Variants in DRP2 observed in about 807,000 individuals in gnomAD.
DRP2 encodes the protein dystrophin related protein 2, also known as dystrophin-related protein 2.
Under a neutral mutation model 78.2 loss-of-function variants are expected in DRP2, and 29 were observed. The ratio of observed to expected loss-of-function variants is 0.37; its 90% CI spans 0.28 to 0.51. DRP2 has a LOEUF of 0.51. Among genes scored for constraint, DRP2 ranks in the 20% least tolerant of loss-of-function variants. DRP2 has a pLI of 0.94. For missense variants in DRP2, 686 were observed against 770.6 expected (o/e 0.89, Z 1.30); for synonymous variants, 290 against 281.9 (o/e 1.03, Z -0.29).
At chrX:101,248,747 T>C (rs1923026276) in intron 14 of DRP2, 148 bp downstream of exon 14, 1 of 514,919 alleles carries the variant, frequency 1.9e-6, no homozygotes. Context: ...TGGTTCACAC[T>C]GTTGCAAAGA....
At position 101,263,551 on chromosome X, in the gene DRP2, G is replaced by A. The variant is rs910547872; in HGVS notation, c.*2930G>A. Reference sequence around the variant, plus strand: ...GAGGATACCTCTGCTTCCAGTGACAGCAGAGTGGATTCACATTGATTGGGC... The same window carrying A: ...GAGGATACCTCTGCTTCCAGTGACAACAGAGTGGATTCACATTGATTGGGC... On this transcript the variant is annotated 3_prime_UTR_variant, in exon 24 of 24. Transcript: ENST00000395209. 8.9e-6 allele frequency: 1 copy of A among 112,340 alleles called. No homozygotes were observed. The highest frequency in any genetic ancestry group is 1.9e-5 in the Non-Finnish European group (1 of 53,270). 9.3% of individuals were successfully genotyped at this position (112,340 alleles called of 1,213,427 possible). A position where few individuals can be genotyped will look rare whatever the true frequency, so the allele number is the denominator to read the frequency against.
chrX:101,261,955 T>G lies in DRP2; in HGVS notation c.*1334T>G, dbSNP rs1011931199. On this transcript the variant is annotated 3_prime_UTR_variant, in exon 24 of 24. Coordinates refer to ENST00000395209, the MANE Select transcript of DRP2 (RefSeq NM_001939.3). ...TTCTCCCAAGAGGAGCTTTATAACC[T>G]AGAGCCCTGCAGTTGACTTCATTTG... 4 of 112,268 alleles carry G rather than the reference T, an allele frequency of 3.6e-5. No homozygotes were observed. The highest frequency in any genetic ancestry group is 1.3e-4 in the African/African-American group (4 of 30,903). The allele number at this position is 112,268 out of a possible 1,213,427, so 9.3% of individuals were successfully genotyped here. A position where few individuals can be genotyped will look rare whatever the true frequency, so the allele number is the denominator to read the frequency against.
At chrX:101,236,419 TCTC>T (rs891723162) in intron 4 of DRP2, among the ~76,000 whole-genome samples, 2 of 111,873 alleles carry the variant, frequency 1.8e-5, no homozygotes, top group African/African-American at 6.5e-5. Context: ...ATTGCTCCCT[TCTC>T]CTCTTCCTCT....
intron 2 of DRP2, among the ~76,000 whole-genome samples, chrX:101,229,952 C>T (rs762962764): frequency 8.0e-5 from 9 of 112,179 alleles, no homozygotes; most frequent in Middle Eastern, 4.6e-3. Flanking sequence ...GCCCCTATTC[C>T]CTACACAGCA....
At chrX:101,242,580 T>C in intron 8 of DRP2, 109 bp downstream of exon 8, 1 of 952,639 alleles carries the variant, frequency 1.0e-6, no homozygotes. Context: ...AAAAGAGGAG[T>C]GGAGAATGTG....
chrX:101,262,598 T>A lies in DRP2; in HGVS notation c.*1977T>A, dbSNP rs1396458739. On this transcript the variant is annotated 3_prime_UTR_variant, in exon 24 of 24. Coordinates refer to ENST00000395209, the MANE Select transcript of DRP2 (RefSeq NM_001939.3). ...ATCTGCTGCAGGGGAGGCAGGGCAG[T>A]GGCTTGGGTCCAGAAGCTTAGGGTT... 9.0e-6 allele frequency: 1 copy of A among 111,203 alleles called. No homozygotes were observed. The highest frequency in any genetic ancestry group is 1.9e-5 in the Non-Finnish European group (1 of 53,164). The allele number at this position is 111,203 out of a possible 1,213,427, so 9.2% of individuals were successfully genotyped here. A position where few individuals can be genotyped will look rare whatever the true frequency, so the allele number is the denominator to read the frequency against.
At position 101,245,088 on chromosome X, in the gene DRP2, A is replaced by T; in HGVS notation, c.1115+11A>T. The T allele has an allele frequency of 6.6e-6, 8 of 1,205,236 alleles. No homozygotes were observed. The highest frequency in any genetic ancestry group is 7.9e-6 in the Non-Finnish European group (7 of 891,475). On this transcript the variant is annotated intron_variant, in intron 10 of 23. Coordinates refer to ENST00000395209, the MANE Select transcript of DRP2 (RefSeq NM_001939.3). ...TCCCTACTACATCAAGTGAGTGACC[A>T]TCTGAATCAGAAGCGGGTCAGTCAC...
intron 5 of DRP2, 30 bp downstream of exon 5, chrX:101,237,805 G>A: frequency 1.8e-6 from 2 of 1,085,233 alleles, no homozygotes; most frequent in Non-Finnish European, 2.4e-6. Flanking sequence ...GCCGTGGTGT[G>A]TAGCCTCTCA....
At chrX:101,221,666 G>A (rs1921898889) in intron 1 of DRP2, among the ~76,000 whole-genome samples, 1 of 112,260 alleles carries the variant, frequency 8.9e-6, no homozygotes, top group Non-Finnish European at 1.9e-5. Context: ...CCACCATAAA[G>A]GAGGGGAGCA....
chrX:101,239,247 GGA>G, intron 6 of DRP2, 146 bp downstream of exon 6: 2 of 797,560 alleles, frequency 2.5e-6, no homozygotes, highest in Non-Finnish European at 3.4e-6. Flanking sequence ...AAAGTTGGGG[GGA>G]AGCAAGATTC....
chrX:101,257,867 G>A (rs1403496823), intron 21 of DRP2, among the ~76,000 whole-genome samples: 2 of 111,288 alleles, frequency 1.8e-5, no homozygotes, highest in Non-Finnish European at 3.8e-5. Flanking sequence ...GGCCAAAGAG[G>A]AGGATTGTGG....
chrX:101,251,222 A>G, intron 16 of DRP2, 139 bp downstream of exon 16: 1 of 539,765 alleles, frequency 1.9e-6, no homozygotes, highest in Non-Finnish European at 2.7e-6. Context: ...TACTGTTATA[A>G]TCCTTTATAT....
chrX:101,241,473 T>A (rs1323808303), intron 6 of DRP2, among the ~76,000 whole-genome samples, 195 bp from the exon 7 acceptor site: 9 of 111,028 alleles, frequency 8.1e-5, no homozygotes, highest in Non-Finnish European at 1.3e-4. Flanking sequence ...CAGTTTTTTT[T>A]TAAAAAAAAC....
chrX:101,263,574 G>A lies in DRP2; in HGVS notation c.*2953G>A, dbSNP rs989525861. On this transcript the variant is annotated 3_prime_UTR_variant, in exon 24 of 24. Transcript: ENST00000395209. The stretch of plus-strand genomic sequence containing the variant: ...CAGCAGAGTGGATTCACATTGATTG[G>A]GCATTGTCACGGAAGGCTGACTAGC... 1 of 112,221 alleles carries A rather than the reference G, an allele frequency of 8.9e-6. No individual in the cohort carries two copies. Among genetic ancestry groups the A allele is most frequent in the African/African-American group, 3.2e-5 (1 of 30,844 alleles). 9.2% of individuals were successfully genotyped at this position (112,221 alleles called of 1,213,427 possible).
rs1602921604 is a variant in DRP2, at chrX:101,241,283, A to G, written c.560-385A>G. On this transcript the variant is annotated intron_variant, in intron 6 of 23. Coordinates refer to ENST00000395209, the MANE Select transcript of DRP2 (RefSeq NM_001939.3). The stretch of plus-strand genomic sequence containing the variant: ...ACACACACATACACACACGAATACA[A>G]GTAAAACTGGGGAAACTTGGACAAA... 2.7e-5 allele frequency among the ~76,000 whole-genome samples: 3 copies of G among 111,718 alleles called. 1 individual carries two copies.
At chrX:101,252,984 G>A in intron 17 of DRP2, among the ~76,000 whole-genome samples, 1 of 111,728 alleles carries the variant, frequency 9.0e-6, no homozygotes, top group Non-Finnish European at 1.9e-5. Flanking sequence ...AAAGTCTCAG[G>A]AAAAACAAAA....
intron 6 of DRP2, among the ~76,000 whole-genome samples, chrX:101,240,446 G>A: frequency 8.9e-6 from 1 of 112,643 alleles, no homozygotes; most frequent in Non-Finnish European, 1.9e-5. Context: ...ATGTTGGCCA[G>A]GCTGGTCTTG....
chrX:101,231,613 G>A lies in DRP2; in HGVS notation c.-35G>A, dbSNP rs1922309826. The stretch of plus-strand genomic sequence containing the variant: ...CTTAATGATCAATAGTTGGTGCACT[G>A]CCTATCCTCATCCCCCCCATGAGCC... On this transcript the variant is annotated 5_prime_UTR_variant, in exon 3 of 24. Coordinates refer to ENST00000395209, the MANE Select transcript of DRP2 (RefSeq NM_001939.3). 8.9e-7 allele frequency: 1 copy of A among 1,121,824 alleles called. No homozygotes were observed. The allele number at this position is 1,121,824 out of a possible 1,213,427, so 92.5% of individuals were successfully genotyped here. A position where few individuals can be genotyped will look rare whatever the true frequency, so the allele number is the denominator to read the frequency against.
At chrX:101,260,007 A>T (rs1361362326) in intron 22 of DRP2, 42 bp from the exon 23 acceptor site, 1 of 1,207,691 alleles carries the variant, frequency 8.3e-7, no homozygotes, top group Non-Finnish European at 1.1e-6. Context: ...GAGTAAGGTC[A>T]GGAAGGCAAA....
Sources: allele counts gnomAD v4.1 joint callset (sites outside exome capture counted in the v4.1 genomes callset), GRCh38; gene constraint gnomAD v4.1.1; transcripts MANE v1.5; gene names NCBI Gene and HGNC (gene_info 2026-07-23, HGNC 2026-07-21).